TNFAIP2: variants seen among roughly 807,000 people sequenced by gnomAD.
TNFAIP2 encodes the protein TNF alpha induced protein 2, also known as tumor necrosis factor alpha-induced protein 2.
TNFAIP2 carries 47 observed loss-of-function variants against 63.5 expected under a neutral mutation model. The observed-to-expected ratio is 0.74, with a 90% CI of 0.59 to 0.94. The LOEUF (loss-of-function observed/expected upper bound fraction) is 0.94, where lower values mean the gene tolerates loss of function less well. Among genes scored for constraint, TNFAIP2 ranks in the 40% least tolerant of loss-of-function variants. TNFAIP2 has a pLI of 0.00. For missense variants in TNFAIP2, 787 were observed against 850.2 expected, an observed-to-expected ratio of 0.93 and a Z score of 0.92; for synonymous variants, 405 against 390.2, an observed-to-expected ratio of 1.04 and a Z score of -0.45.
At chr14:103,133,899 C>T (rs747054503) in intron 11 of TNFAIP2, 96 bp downstream of exon 11, 19 of 1,445,690 alleles carry the variant, frequency 1.3e-5, no homozygotes, top group Middle Eastern at 3.9e-4. Flanking sequence ...CAGCTGCCCA[C>T]GTGCCAGTCA....
Position 103,135,247 on chromosome 14 carries a change from A to G in TNFAIP2, c.1852A>G (p.Ile618Val). The G allele has an allele frequency of 9.3e-6, 15 of 1,613,986 alleles. No homozygotes were observed. The highest frequency in any genetic ancestry group is 1.2e-5 in the Non-Finnish European group (14 of 1,180,000). Residue 618 changes from isoleucine (I) to valine (V), a missense_variant, in exon 12 of 12, where the codon ATC becomes GTC. Ile to Val is a conservative substitution (Grantham distance 29, BLOSUM62 3). This residue lies in a region of TNFAIP2 where 523 missense variants were observed against 604.1 expected (regional missense o/e 0.87). Coordinates refer to ENST00000560869, the MANE Select transcript of TNFAIP2 (RefSeq NM_006291.4). This position sits in a 1 kb window ranked among gnomAD's most constrained non-coding sequence, Gnocchi z 7.6. The part of the protein sequence containing the change: ...SKGHLSAILA[I>V]KGNLSNSEVK... Reference sequence around the variant, plus strand: ...AGGCCACCTGAGCGCTATCCTGGCCATCAAGGGGAACCTATCCAACAGTGA... The same window carrying G: ...AGGCCACCTGAGCGCTATCCTGGCCGTCAAGGGGAACCTATCCAACAGTGA...
At position 103,135,426 on chromosome 14, in the gene TNFAIP2, G is replaced by A; in HGVS notation, c.*66G>A. 3 of 1,537,000 alleles carry A rather than the reference G, an allele frequency of 2.0e-6. No individual in the cohort carries two copies. Among genetic ancestry groups the A allele is most frequent in the Non-Finnish European group, 1.7e-6 (2 of 1,146,316 alleles). On this transcript the variant is annotated 3_prime_UTR_variant, in exon 12 of 12. Transcript: ENST00000560869. The surrounding 1 kb of genome is among the most constrained non-coding windows in gnomAD (Gnocchi z 7.6). ...CCTTGGGCACACCCCGCTGGGAGCT[G>A]TTAAGAGCAGCGCTGGTTCTCGGTT...
Position 103,133,368 on chromosome 14 carries a change from A to G in TNFAIP2, c.1552A>G (p.Met518Val), listed in dbSNP as rs769107864. The G allele has an allele frequency of 6.2e-7, 1 of 1,613,382 alleles. No homozygotes were observed. The highest frequency in any genetic ancestry group is 8.5e-7 in the Non-Finnish European group (1 of 1,179,904). The change falls in exon 10 of 12, where the codon ATG becomes GTG. Residue 518 changes from methionine (M) to valine (V), a missense_variant. By Grantham distance (21) the Met-to-Val change is conservative (BLOSUM62 1). This residue lies in a region of TNFAIP2 where 523 missense variants were observed against 604.1 expected (regional missense o/e 0.87). Coordinates refer to ENST00000560869, the MANE Select transcript of TNFAIP2 (RefSeq NM_006291.4). ...ELQGCFREEL[M>V]EALHLHLVKE... ...TGGCTGCTTGCCCTCCCAGGAGCTC[A>G]TGGAGGCCTTGCACCTGCACCTGGT...
intron 3 of TNFAIP2, among the ~76,000 whole-genome samples, chr14:103,129,426 G>A (rs2087924158): frequency 6.6e-6 from 1 of 152,110 alleles, no homozygotes; most frequent in African/African-American, 2.4e-5. Flanking sequence ...AGCCAGCGGG[G>A]AGCTGATGGG....
Position 103,127,681 on chromosome 14 carries a change from G to GGAGGGGTGTC in TNFAIP2, c.860+67_860+76dup, listed in dbSNP as rs749570542. On this transcript the variant is annotated intron_variant, in intron 3 of 11. Transcript: ENST00000560869. This position sits in a 1 kb window ranked among gnomAD's most constrained non-coding sequence, Gnocchi z 5.1. ...GCCGGCAGGGAGGGTGTCCTCTGTAGGAGGGGTGTCGAGGGGTGTCGAGGT... is the reference window on the plus strand; with the variant it reads ...GCCGGCAGGGAGGGTGTCCTCTGTAGGAGGGGTGTCGAGGGGTGTCGAGGGGTGTCGAGGT... 8.8e-5 allele frequency: 125 copies of GGAGGGGTGTC among 1,423,748 alleles called. No individual in the cohort carries two copies. In the African/African-American group the frequency reaches 1.4e-3, roughly 16 times the overall value. 88.2% of individuals were successfully genotyped at this position (1,423,748 alleles called of 1,614,324 possible).
In TNFAIP2 at chr14:103,132,775, C is replaced by G. The variant is rs1343274173; in HGVS notation, c.1448C>G (p.Thr483Ser). The G allele has an allele frequency of 6.2e-7, 1 of 1,613,740 alleles. No homozygotes were observed. The highest frequency in any genetic ancestry group is 1.1e-5 in the South Asian group (1 of 90,924). Reference sequence around the variant, plus strand: ...CCACTGTTCAAGAGGTTCACGCACACCCGCTGGGCGGCCCCTGTGGAGACC... The same window carrying G: ...CCACTGTTCAAGAGGTTCACGCACAGCCGCTGGGCGGCCCCTGTGGAGACC... ...LKPLFKRFTH[T>S]RWAAPVETLE... Residue 483 changes from threonine to serine, a missense_variant, in exon 9 of 12, where the codon ACC becomes AGC. Coordinates refer to ENST00000560869, the MANE Select transcript of TNFAIP2 (RefSeq NM_006291.4).
intron 11 of TNFAIP2, 42 bp downstream of exon 11, chr14:103,133,845 T>G (rs1272511063): frequency 1.3e-6 from 2 of 1,553,486 alleles, no homozygotes; most frequent in South Asian, 2.4e-5. Context: ...CACATCACTG[T>G]GGCCAAGGCC....
At chr14:103,128,645 C>T (rs2087909724) in intron 3 of TNFAIP2, among the ~76,000 whole-genome samples, 1 of 152,030 alleles carries the variant, frequency 6.6e-6, no homozygotes, top group African/African-American at 2.4e-5. Context: ...GTTGAAGGGT[C>T]AGCCTCTGGC....
At chr14:103,133,658 C>T in intron 10 of TNFAIP2, 24 bp from the exon 11 acceptor site, 2 of 1,551,672 alleles carry the variant, frequency 1.3e-6, no homozygotes, top group Non-Finnish European at 1.7e-6. Context: ...CCCTGGGTCC[C>T]TCCAACCACA....
intron 9 of TNFAIP2, 57 bp from the exon 10 acceptor site, chr14:103,133,305 G>C (rs2088024770): frequency 6.3e-7 from 1 of 1,581,806 alleles, no homozygotes; most frequent in Non-Finnish European, 8.6e-7. Flanking sequence ...TTCAAGGGAG[G>C]TGGCGAGCTC....
Position 103,135,889 on chromosome 14 carries a change from T to G in TNFAIP2, c.*529T>G. On this transcript the variant is annotated 3_prime_UTR_variant, in exon 12 of 12. Transcript: ENST00000560869. This position sits in a 1 kb window ranked among gnomAD's most constrained non-coding sequence, Gnocchi z 7.6. ...AGAGAAAGAAGGAAAAGATGAGCTC[T>G]CGTCTGGCAGGGGCTTTTAGGGTCC... The G allele has an allele frequency of 7.8e-7, 1 of 1,290,062 alleles. No homozygotes were observed. Among genetic ancestry groups the G allele is most frequent in the Non-Finnish European group, 1.0e-6 (1 of 989,280 alleles). The allele number at this position is 1,290,062 out of a possible 1,614,324, so 79.9% of individuals were successfully genotyped here. A position where few individuals can be genotyped will look rare whatever the true frequency, so the allele number is the denominator to read the frequency against.
chr14:103,136,874 A>G lies in TNFAIP2; in HGVS notation c.*1514A>G, dbSNP rs2088104408. 6.6e-6 allele frequency: 1 copy of G among 152,014 alleles called. No homozygotes were observed. Among genetic ancestry groups the G allele is most frequent in the Non-Finnish European group, 1.5e-5 (1 of 68,000 alleles). The allele number at this position is 152,014 out of a possible 1,614,324, so 9.4% of individuals were successfully genotyped here. A position where few individuals can be genotyped will look rare whatever the true frequency, so the allele number is the denominator to read the frequency against. On this transcript the variant is annotated 3_prime_UTR_variant, in exon 12 of 12. Coordinates refer to ENST00000560869, the MANE Select transcript of TNFAIP2 (RefSeq NM_006291.4). ...CCCAGAGAACCCAGGTCGTCTTTCT[A>G]TTTTCAGGTCAGCTGATTAGCCACC... is the stretch of plus-strand genomic sequence containing the variant.
At chr14:103,130,165 C>A (rs540890098) in intron 5 of TNFAIP2, 41 bp downstream of exon 5, 2 of 1,595,712 alleles carry the variant, frequency 1.3e-6, no homozygotes, top group Non-Finnish European at 1.7e-6. Flanking sequence ...CGCCCGTGCA[C>A]GTGCATGGGG....
intron 3 of TNFAIP2, among the ~76,000 whole-genome samples, chr14:103,129,514 G>T (rs1461987096): frequency 8.4e-6 from 1 of 119,414 alleles, no homozygotes; most frequent in Non-Finnish European, 1.8e-5. Flanking sequence ...TGGGGGGGGG[G>T]TGGTGAGAGA....
At chr14:103,130,735 C>T (rs1243427782) in intron 6 of TNFAIP2, among the ~76,000 whole-genome samples, 1 of 152,218 alleles carries the variant, frequency 6.6e-6, no homozygotes. Context: ...CTAGTCTCCA[C>T]CACCTGAATT....
chr14:103,126,390 G>T lies in TNFAIP2; in HGVS notation c.-68G>T. ...CTCTAGAGCCATCAGCCTGTGCCAGGCACCCTCGACTTGCCTAGAGGCCCC... is the reference window on the plus strand; with the variant it reads ...CTCTAGAGCCATCAGCCTGTGCCAGTCACCCTCGACTTGCCTAGAGGCCCC... On this transcript the variant is annotated 5_prime_UTR_variant, in exon 2 of 12. Coordinates refer to ENST00000560869, the MANE Select transcript of TNFAIP2 (RefSeq NM_006291.4). The T allele has an allele frequency of 2.6e-6, 3 of 1,154,506 alleles. No individual in the cohort carries two copies. Among genetic ancestry groups the T allele is most frequent in the Non-Finnish European group, 1.2e-6 (1 of 822,042 alleles). 71.5% of individuals were successfully genotyped at this position (1,154,506 alleles called of 1,614,324 possible).
rs770667698 is a variant in TNFAIP2 at position 103,127,592 on chromosome 14, T to G, written c.823T>G (p.Tyr275Asp). ...GTTCGAGCTGTGCGAGCGCGACACC[T>G]ACATGCTGCTGCTCTGGGTGCAGAA... ...AQFELCERDT[Y>D]MLLLWVQNLY... The change falls in exon 3 of 12, where the codon TAC becomes GAC. Residue 275 changes from tyrosine (Y) to aspartate (D), a missense_variant. Around this residue, in one of 3 missense-constraint regions of TNFAIP2, gnomAD observed 523 missense variants for 604.1 expected, o/e 0.87. Transcript: ENST00000560869. The surrounding 1 kb of genome is among the most constrained non-coding windows in gnomAD (Gnocchi z 5.1). The G allele has an allele frequency of 7.1e-6, 11 of 1,547,250 alleles. No homozygotes were observed. The highest frequency in any genetic ancestry group is 9.6e-6 in the Non-Finnish European group (11 of 1,149,372).
Position 103,137,353 on chromosome 14 carries a change from T to C in TNFAIP2, c.*1993T>C, listed in dbSNP as rs2088114341. On this transcript the variant is annotated 3_prime_UTR_variant, in exon 12 of 12. Transcript: ENST00000560869. Reference sequence around the variant, plus strand: ...GTGTTTGATATTGTTAATATAATAATAATTATTTTTTAGAGTACTGCTTTT... The same window carrying C: ...GTGTTTGATATTGTTAATATAATAACAATTATTTTTTAGAGTACTGCTTTT... The C allele has an allele frequency of 6.6e-6, 1 of 152,242 alleles. No homozygotes were observed. The highest frequency in any genetic ancestry group is 2.1e-4 in the South Asian group (1 of 4,838). The allele number at this position is 152,242 out of a possible 1,614,324, so 9.4% of individuals were successfully genotyped here.
At position 103,127,545 on chromosome 14, in the gene TNFAIP2, C is replaced by T; in HGVS notation, c.776C>T (p.Ala259Val). 1 of 1,585,798 alleles carries T rather than the reference C, an allele frequency of 6.3e-7. No individual in the cohort carries two copies. The highest frequency in any genetic ancestry group is 8.5e-7 in the Non-Finnish European group (1 of 1,172,948). ...YAESYHQHFAAHLAAVAQFEL... is the reference protein window; with the variant it reads ...YAESYHQHFAVHLAAVAQFEL... Reference sequence around the variant, plus strand: ...GAGAGCTACCACCAGCACTTCGCGGCCCACCTGGCCGCCGTGGCGCAGTTC... The same window carrying T: ...GAGAGCTACCACCAGCACTTCGCGGTCCACCTGGCCGCCGTGGCGCAGTTC... The change falls in exon 3 of 12, where the codon GCC becomes GTC. Residue 259 changes from alanine to valine, a missense_variant. By Grantham distance (64) the Ala-to-Val change is moderately conservative. Coordinates refer to ENST00000560869, the MANE Select transcript of TNFAIP2 (RefSeq NM_006291.4). The surrounding 1 kb of genome is among the most constrained non-coding windows in gnomAD (Gnocchi z 5.1).
Sources: gnomAD v4.1 joint callset for allele counts (sites outside exome capture counted in the v4.1 genomes callset) on GRCh38, gnomAD v4.1.1 for gene constraint, gnomAD v4.1.1 regional missense constraint, Gnocchi (gnomAD v3.1) non-coding constraint, MANE v1.5 for transcripts, NCBI Gene and HGNC (gene_info 2026-07-23, HGNC 2026-07-21) for gene names.